PRMT9: variants seen among roughly 807,000 people sequenced by gnomAD.
PRMT9 encodes protein arginine methyltransferase 9.
PRMT9 carries 59 observed loss-of-function variants against 83.2 expected under a neutral mutation model. That is an observed-to-expected ratio of 0.71 (90% CI 0.57 to 0.88). The LOEUF (loss-of-function observed/expected upper bound fraction) is 0.88, where lower values mean the gene tolerates loss of function less well. Ranked by LOEUF, PRMT9 falls within the 40% of genes least tolerant of loss-of-function variation. The probability of loss-of-function intolerance (pLI) is 0.00; values close to 1 mark genes in which losing one functional copy is unlikely to be tolerated. For missense variants in PRMT9, 947 were observed against 1,021.9 expected, an observed-to-expected ratio of 0.93 and a Z score of 1.00; for synonymous variants, 333 against 353.2, an observed-to-expected ratio of 0.94 and a Z score of 0.64.
At position 147,683,791 on chromosome 4, in the gene PRMT9, A is replaced by G; in HGVS notation, c.189+8T>C. On this transcript the variant is annotated splice_region_variant and intron_variant, in intron 1 of 11. Transcript: ENST00000322396. ...ATCTGCCAGCAAGTGAGAAAAAAGG[A>G]CCCTCACCTTCACGTCGTGTTTCAG... 6.5e-7 allele frequency: 1 copy of G among 1,542,274 alleles called. No individual in the cohort carries two copies. Among genetic ancestry groups the G allele is most frequent in the South Asian group, 1.1e-5 (1 of 90,128 alleles).
At chr4:147,665,236 C>T (rs764165919) in intron 6 of PRMT9, among the ~76,000 whole-genome samples, 1 of 151,920 alleles carries the variant, frequency 6.6e-6, no homozygotes, top group Non-Finnish European at 1.5e-5. Flanking sequence ...CCCTGATCCT[C>T]ATCAGATTTC....
chr4:147,677,997 CA>C (rs1736201672), intron 2 of PRMT9, among the ~76,000 whole-genome samples: 1 of 151,950 alleles, frequency 6.6e-6, no homozygotes. Flanking sequence ...AAAAAAAAAG[CA>C]TAATACTGAG....
intron 5 of PRMT9, 54 bp downstream of exon 5, chr4:147,670,585 ATC>A (rs1735662170): frequency 9.2e-7 from 1 of 1,090,930 alleles, no homozygotes; most frequent in Non-Finnish European, 1.4e-6. Context: ...GATTCAATAA[ATC>A]TCTGATGAAA....
chr4:147,682,401 A>C (rs9631754), intron 1 of PRMT9, among the ~76,000 whole-genome samples: 145,652 of 152,236 alleles, frequency 0.96, 70,012 homozygotes, highest in East Asian at 1. Flanking sequence ...GTCTCGAACT[A>C]CTGACCTCAG....
chr4:147,678,111 C>T (rs1736213924), intron 2 of PRMT9, among the ~76,000 whole-genome samples: 2 of 152,312 alleles, frequency 1.3e-5, no homozygotes, highest in South Asian at 4.1e-4. Flanking sequence ...GCAAGGGCCC[C>T]ATGGGCACCA....
At chr4:147,679,758 A>AC (rs1450260787) in intron 2 of PRMT9, among the ~76,000 whole-genome samples, 1 of 152,162 alleles carries the variant, frequency 6.6e-6, no homozygotes, top group Non-Finnish European at 1.5e-5. Context: ...CCCAAAAAAA[A>AC]CAGTGCTGGA....
rs191683189 is a variant in PRMT9 at position 147,643,374 on chromosome 4, A to C, written c.2046-434T>G. ...ATTAGTAAAGAGCTACAGATTACAT[A>C]GAGTCTAATGGACTTTCTGTTATTC... On this transcript the variant is annotated intron_variant, in intron 9 of 11. Coordinates refer to ENST00000322396, the MANE Select transcript of PRMT9 (RefSeq NM_138364.4). Among the ~76,000 whole-genome samples the C allele has an allele frequency of 1.2e-4, 19 of 152,376 alleles. 1 individual carries two copies. In the East Asian group the frequency reaches 2.9e-3, roughly 23 times the overall value.
intron 9 of PRMT9, among the ~76,000 whole-genome samples, chr4:147,645,115 AAAGT>A (rs899466931): frequency 1.3e-5 from 2 of 152,192 alleles, no homozygotes; most frequent in African/African-American, 4.8e-5. Context: ...CATATCTTAA[AAAGT>A]AATTCATATA....
In PRMT9 at chr4:147,660,981, A is replaced by C; in HGVS notation, c.1011T>G (p.Ser337Arg). ...IHLPTNVKFQSPAYSSVDTEE... is the reference protein window; with the variant it reads ...IHLPTNVKFQRPAYSSVDTEE... ...CAGTATCTACAGAAGAATAAGCCGG[A>C]CTCTGAAATTTCACATTTGTTGGCA... is the stretch of plus-strand genomic sequence containing the variant. The change falls in exon 7 of 12, where the codon AGT becomes AGG. Residue 337 changes from serine to arginine, a missense_variant. By Grantham distance (110) the Ser-to-Arg change is moderately radical. Transcript: ENST00000322396. 2 of 1,613,194 alleles carry C rather than the reference A, an allele frequency of 1.2e-6. No homozygotes were observed. Among genetic ancestry groups the C allele is most frequent in the Non-Finnish European group, 1.7e-6 (2 of 1,179,270 alleles).
intron 9 of PRMT9, among the ~76,000 whole-genome samples, chr4:147,647,981 A>G (rs1287814624): frequency 2.9e-5 from 1 of 33,952 alleles, no homozygotes; most frequent in Non-Finnish European, 4.4e-4. Context: ...CACTTTACTT[A>G]TATTTACGGA....
rs184763262 is a variant in PRMT9, at chr4:147,660,562, C to T, written c.1146+284G>A. Among the ~76,000 whole-genome samples, 570 of 152,000 alleles carry T rather than the reference C, an allele frequency of 3.7e-3. 4 individuals are homozygous for T. Among genetic ancestry groups the T allele is most frequent in the African/African-American group, 6.5e-3 (269 of 41,466 alleles). ...GGAGGATTGCTTGAACCTGGGAGGT[C>T]GAGGCTGCAGTGAGCCGAGATGGTG... On this transcript the variant is annotated intron_variant, in intron 7 of 11. Coordinates refer to ENST00000322396, the MANE Select transcript of PRMT9 (RefSeq NM_138364.4).
chr4:147,674,009 C>A (rs1735907989), intron 2 of PRMT9, 135 bp from the exon 3 acceptor site: 2 of 726,422 alleles, frequency 2.8e-6, no homozygotes, highest in African/African-American at 1.7e-5. Context: ...AGTGCTACCT[C>A]TTTTGGGAAG....
At chr4:147,660,386 T>C (rs1259590763) in intron 7 of PRMT9, among the ~76,000 whole-genome samples, 1 of 152,158 alleles carries the variant, frequency 6.6e-6, no homozygotes, top group African/African-American at 2.4e-5. Flanking sequence ...ATCCTAACAC[T>C]TGGGGAGGCC....
At chr4:147,675,631 A>T (rs1736018236) in intron 2 of PRMT9, among the ~76,000 whole-genome samples, 1 of 152,206 alleles carries the variant, frequency 6.6e-6, no homozygotes, top group African/African-American at 2.4e-5. Context: ...TTAATACATT[A>T]TCAATTTCCT....
At chr4:147,671,835 G>C (rs1735751407) in intron 4 of PRMT9, 1 of 455,840 alleles carries the variant, frequency 2.2e-6, no homozygotes, top group Non-Finnish European at 4.4e-6. Context: ...GATTCATGCT[G>C]ACTCATGTCC....
In PRMT9 at chr4:147,654,460, A is replaced by G; in HGVS notation, c.1437T>C (p.Asp479=). 6.2e-7 allele frequency: 1 copy of G among 1,613,940 alleles called. No homozygotes were observed. Among genetic ancestry groups the G allele is most frequent in the Non-Finnish European group, 8.5e-7 (1 of 1,179,964 alleles). The change falls in exon 9 of 12, where the codon GAT becomes GAC. Residue 479 remains aspartate (D), a synonymous_variant. Transcript: ENST00000322396. ...TATTCTGGGTAAAACTTTTTGCAAC[A>G]TCCATTTCACATTCCAAACCCAAGA... is the stretch of plus-strand genomic sequence containing the variant. ...ISVLGLECEM[D]VAKSFTQNKD...
chr4:147,660,926 T>C lies in PRMT9; in HGVS notation c.1066A>G (p.Lys356Glu). 1 of 1,613,582 alleles carries C rather than the reference T, an allele frequency of 6.2e-7. No homozygotes were observed. The highest frequency in any genetic ancestry group is 8.5e-7 in the Non-Finnish European group (1 of 1,179,542). The change falls in exon 7 of 12, where the codon AAG (lysine) becomes GAG (glutamate). Residue 356 changes from lysine to glutamate, a missense_variant. By Grantham distance (56) the Lys-to-Glu change is moderately conservative. Transcript: ENST00000322396. ...TATCCTCCAGGAACTCGACTCATCT[T>C]TTCAGTTGTATAAGGTTCAATTGTT... The part of the protein sequence containing the change: ...EETIEPYTTE[K>E]MSRVPGGYLA...
At chr4:147,640,403 TAACC>T (rs957613283) in intron 10 of PRMT9, among the ~76,000 whole-genome samples, 7 of 152,004 alleles carry the variant, frequency 4.6e-5, no homozygotes, top group African/African-American at 1.7e-4. Context: ...TCCTTCTATA[TAACC>T]AACCAAACCA....
chr4:147,683,573 A>T (rs1736641786), intron 1 of PRMT9, among the ~76,000 whole-genome samples: 1 of 152,148 alleles, frequency 6.6e-6, no homozygotes, highest in Non-Finnish European at 1.5e-5. Context: ...AGTAAACATT[A>T]ATAGCAAACA....
Sources: allele counts gnomAD v4.1 joint callset (sites outside exome capture counted in the v4.1 genomes callset), GRCh38; gene constraint gnomAD v4.1.1; transcripts MANE v1.5; gene names NCBI Gene and HGNC (gene_info 2026-07-23, HGNC 2026-07-21).